ZEB1: variants seen among roughly 807,000 people sequenced by gnomAD.
The protein encoded by ZEB1 is zinc finger E-box binding homeobox 1.
Under a neutral mutation model 84.9 loss-of-function variants are expected in ZEB1, and 21 were observed. The observed-to-expected ratio is 0.25, with a 90% CI of 0.18 to 0.36. The LOEUF is 0.36. ZEB1 is among the 10% of genes least tolerant of loss of function. The pLI is 1.00. For synonymous variants in ZEB1, 420 were observed against 471.1 expected (o/e 0.89, Z 1.41); for missense variants, 1,104 against 1,330.2 (o/e 0.83, Z 2.65).
At chr10:31,461,611 C>T (rs2061828496) in intron 2 of ZEB1, among the ~76,000 whole-genome samples, 1 of 152,012 alleles carries the variant, frequency 6.6e-6, no homozygotes, top group Admixed American at 6.6e-5. Context: ...GCAAAAATCC[C>T]AAACACATAT....
intron 1 of ZEB1, among the ~76,000 whole-genome samples, chr10:31,445,367 A>T (rs913926581): frequency 6.7e-6 from 1 of 149,278 alleles, no homozygotes; most frequent in African/African-American, 2.6e-5. Context: ...GCAAACAGGG[A>T]CAATTTGACT....
intron 3 of ZEB1, among the ~76,000 whole-genome samples, chr10:31,500,886 A>G (rs1011168619): frequency 1.3e-5 from 2 of 152,200 alleles, no homozygotes; most frequent in Non-Finnish European, 1.5e-5. Context: ...TTTGGTAACT[A>G]CTGACATGAA....
intron 1 of ZEB1, among the ~76,000 whole-genome samples, chr10:31,414,505 C>A (rs1182065528): frequency 1.3e-5 from 2 of 152,114 alleles, no homozygotes; most frequent in Non-Finnish European, 2.9e-5. Context: ...AACATAAATA[C>A]TTTAAAATAA....
chr10:31,353,772 A>G (rs1277424474), intron 1 of ZEB1, among the ~76,000 whole-genome samples: 1 of 152,204 alleles, frequency 6.6e-6, no homozygotes, highest in African/African-American at 2.4e-5. Flanking sequence ...AGTCACCAGC[A>G]CCACCAACCT....
At chr10:31,514,147 C>G (rs961607284) in intron 5 of ZEB1, among the ~76,000 whole-genome samples, 1 of 152,012 alleles carries the variant, frequency 6.6e-6, no homozygotes, top group African/African-American at 2.4e-5. Flanking sequence ...CAGGAAAAAT[C>G]CTGTCTTCTA....
At chr10:31,382,048 C>T (rs1294258062) in intron 1 of ZEB1, among the ~76,000 whole-genome samples, 1 of 148,256 alleles carries the variant, frequency 6.7e-6, no homozygotes, top group African/African-American at 2.5e-5. Flanking sequence ...AGTAAATTTC[C>T]CTTGAAGCCC....
At chr10:31,433,737 TG>T (rs2057989269) in intron 1 of ZEB1, among the ~76,000 whole-genome samples, 1 of 152,202 alleles carries the variant, frequency 6.6e-6, no homozygotes, top group African/African-American at 2.4e-5. Context: ...TAAGTGAAAC[TG>T]GCAAATTTTT....
At chr10:31,475,914 A>G (rs950135182) in intron 2 of ZEB1, among the ~76,000 whole-genome samples, 1 of 152,096 alleles carries the variant, frequency 6.6e-6, no homozygotes, top group South Asian at 2.1e-4. Context: ...CAAAACTATG[A>G]TGGGAAAAAA....
chr10:31,368,585 T>A (rs2045054246), intron 1 of ZEB1, among the ~76,000 whole-genome samples: 1 of 152,158 alleles, frequency 6.6e-6, no homozygotes, highest in Non-Finnish European at 1.5e-5. Flanking sequence ...TTTTTTAAAT[T>A]TTTTTCCTGA....
At chr10:31,480,206 T>G (rs1591720838) in intron 2 of ZEB1, among the ~76,000 whole-genome samples, 1 of 152,034 alleles carries the variant, frequency 6.6e-6, no homozygotes, top group East Asian at 1.9e-4. Flanking sequence ...TTTTTAAAGC[T>G]CTCTAGAAAT....
chr10:31,493,513 C>T (rs780721754), intron 2 of ZEB1, among the ~76,000 whole-genome samples: 5 of 151,868 alleles, frequency 3.3e-5, no homozygotes, highest in Admixed American at 6.6e-5. Flanking sequence ...GACATTATTA[C>T]GTCTTACAGG....
At chr10:31,390,030 C>T (rs1207884459) in intron 1 of ZEB1, among the ~76,000 whole-genome samples, 1 of 152,060 alleles carries the variant, frequency 6.6e-6, no homozygotes. Flanking sequence ...CTGCGAACTC[C>T]CCTTGTTTAG....
intron 3 of ZEB1, among the ~76,000 whole-genome samples, chr10:31,499,195 T>C (rs1203037457): frequency 1.3e-5 from 2 of 152,186 alleles, no homozygotes; most frequent in East Asian, 1.9e-4. Context: ...CTGGGACGTA[T>C]ACCAGAAAGA....
chr10:31,474,493 A>C (rs1423923902), intron 2 of ZEB1, among the ~76,000 whole-genome samples: 1 of 152,222 alleles, frequency 6.6e-6, no homozygotes, highest in East Asian at 1.9e-4. Context: ...GAGAAAGGCA[A>C]ATCAAAACCA....
chr10:31,401,820 G>C (rs968353241), intron 1 of ZEB1, among the ~76,000 whole-genome samples: 1 of 152,032 alleles, frequency 6.6e-6, no homozygotes, highest in African/African-American at 2.4e-5. Context: ...AATACAGTTT[G>C]GTGCAGTCTT....
At chr10:31,509,819 ACT>A (rs2069650839) in intron 4 of ZEB1, among the ~76,000 whole-genome samples, 2 of 152,124 alleles carry the variant, frequency 1.3e-5, no homozygotes, top group Admixed American at 1.3e-4. Flanking sequence ...ATGGAAAACT[ACT>A]CTTAGTTAAA....
At chr10:31,492,789 T>A (rs2066712544) in intron 2 of ZEB1, among the ~76,000 whole-genome samples, 1 of 151,968 alleles carries the variant, frequency 6.6e-6, no homozygotes, top group South Asian at 2.1e-4. Context: ...GTAAGTCTTC[T>A]GGATTTTTAT....
intron 1 of ZEB1, among the ~76,000 whole-genome samples, chr10:31,413,093 C>T (rs1160821648): frequency 1.3e-5 from 2 of 152,036 alleles, no homozygotes; most frequent in Non-Finnish European, 2.9e-5. Flanking sequence ...GGAAAATCAG[C>T]ATTAGAAGCA....
intron 2 of ZEB1, among the ~76,000 whole-genome samples, chr10:31,482,830 A>T (rs2065220896): frequency 6.6e-6 from 1 of 152,036 alleles, no homozygotes; most frequent in Admixed American, 6.6e-5. Flanking sequence ...ATATAATAAT[A>T]ATTCAGTTTA....
Sources: gnomAD v4.1 joint callset for allele counts (sites outside exome capture counted in the v4.1 genomes callset) on GRCh38, gnomAD v4.1.1 for gene constraint, MANE v1.5 for transcripts, NCBI Gene and HGNC (gene_info 2026-07-23, HGNC 2026-07-21) for gene names.